GUCY1A2: variants seen among roughly 807,000 people sequenced by gnomAD.
GUCY1A2 encodes guanylate cyclase soluble subunit alpha-2.
A neutral mutation model predicts 63.5 loss-of-function variants in GUCY1A2; 27 were observed. That is an observed-to-expected ratio of 0.43 (90% confidence interval 0.31 to 0.59). The LOEUF is 0.59. GUCY1A2 is among the 20% of genes least tolerant of loss of function. The pLI, the probability that GUCY1A2 is intolerant of heterozygous loss-of-function variation, is 0.11. For missense variants in GUCY1A2, 768 were observed against 913.3 expected, an observed-to-expected ratio of 0.84 and a Z score of 2.05; for synonymous variants, 364 against 343.5, an observed-to-expected ratio of 1.06 and a Z score of -0.66.
chr11:106,926,274 A>G (rs1009945953), intron 4 of GUCY1A2, among the ~76,000 whole-genome samples: 56 of 151,968 alleles, frequency 3.7e-4, no homozygotes, highest in Middle Eastern at 6.8e-3. Context: ...ACTAATAACA[A>G]TAATAATACA....
chr11:106,824,751 T>C lies in GUCY1A2; in HGVS notation c.1207-14273A>G, dbSNP rs562137297. On this transcript the variant is annotated intron_variant, in intron 4 of 7. Coordinates refer to ENST00000526355, the MANE Select transcript of GUCY1A2 (RefSeq NM_000855.3). ...GAAATATTTAATCTCATGAGAAAAC[T>C]GAATAGCTGGATTTTTACCAAGGTG... 13 of 1,494,434 alleles carry C rather than the reference T, an allele frequency of 8.7e-6. No individual in the cohort carries two copies. The East Asian group carries it at 2.7e-4, about 31-fold the overall frequency. The allele number at this position is 1,494,434 out of a possible 1,614,324, so 92.6% of individuals were successfully genotyped here.
At chr11:106,731,555 GA>G (rs1043195334) in intron 6 of GUCY1A2, among the ~76,000 whole-genome samples, 1 of 151,426 alleles carries the variant, frequency 6.6e-6, no homozygotes, top group Non-Finnish European at 1.5e-5. Context: ...GCAAGAGAAA[GA>G]AAAAAAAGGC....
chr11:106,784,889 T>A (rs1565289064), intron 5 of GUCY1A2, among the ~76,000 whole-genome samples: 2 of 152,186 alleles, frequency 1.3e-5, no homozygotes, highest in East Asian at 3.9e-4. Context: ...AAAGAGTCAT[T>A]AAAGTAACCT....
At chr11:106,827,016 T>A (rs1210806109) in intron 4 of GUCY1A2, 2 of 1,598,962 alleles carry the variant, frequency 1.3e-6, no homozygotes, top group Non-Finnish European at 1.7e-6. Context: ...GCCACATCTC[T>A]GTATTAGTTG....
chr11:106,936,748 C>T (rs1194346157), intron 4 of GUCY1A2: 2 of 1,261,606 alleles, frequency 1.6e-6, no homozygotes, highest in Non-Finnish European at 2.2e-6. Context: ...CGTAGTGGTT[C>T]ATTGGTATTA....
At position 106,817,330 on chromosome 11, in the gene GUCY1A2, G is replaced by C. The variant is rs1257585850; in HGVS notation, c.1207-6852C>G. On this transcript the variant is annotated intron_variant, in intron 4 of 7. Coordinates refer to ENST00000526355, the MANE Select transcript of GUCY1A2 (RefSeq NM_000855.3). Reference sequence around the variant, plus strand: ...CTTTAAGCTTGGAGTATTTGCACTAGGACCTCCAGCAAAAATAGCTCCTAT... The same window carrying C: ...CTTTAAGCTTGGAGTATTTGCACTACGACCTCCAGCAAAAATAGCTCCTAT... Among the ~76,000 whole-genome samples, 5 of 152,068 alleles carry C rather than the reference G, an allele frequency of 3.3e-5. 1 individual carries two copies. Among genetic ancestry groups the C allele is most frequent in the Admixed American group, 3.3e-4 (5 of 15,240 alleles).
chr11:106,957,436 C>T (rs973736134), intron 3 of GUCY1A2, among the ~76,000 whole-genome samples: 6 of 152,136 alleles, frequency 3.9e-5, no homozygotes, highest in Non-Finnish European at 7.4e-5. Flanking sequence ...CGTGGGTTCA[C>T]GAGTGGGATC....
At chr11:106,762,554 C>G (rs1353392102) in intron 6 of GUCY1A2, among the ~76,000 whole-genome samples, 1 of 152,050 alleles carries the variant, frequency 6.6e-6, no homozygotes, top group Non-Finnish European at 1.5e-5. Context: ...TATAATAATA[C>G]TGAAGAATTA....
chr11:106,992,117 C>T (rs878974055), intron 1 of GUCY1A2, among the ~76,000 whole-genome samples: 2 of 152,022 alleles, frequency 1.3e-5, no homozygotes, highest in Admixed American at 1.3e-4. Context: ...TTACTGCACA[C>T]AATATTTAAT....
At chr11:106,956,814 G>A (rs1860991147) in intron 3 of GUCY1A2, among the ~76,000 whole-genome samples, 1 of 152,166 alleles carries the variant, frequency 6.6e-6, no homozygotes, top group South Asian at 2.1e-4. Context: ...CTTTGGTGGA[G>A]AGGGTATGTT....
chr11:106,770,767 A>T (rs543219486), intron 6 of GUCY1A2, among the ~76,000 whole-genome samples: 38 of 151,458 alleles, frequency 2.5e-4, no homozygotes, highest in Non-Finnish European at 4.1e-4. Context: ...GTTACAATAC[A>T]TGTAAATTGC....
chr11:106,691,456 A>G (rs1862623851), intron 7 of GUCY1A2, among the ~76,000 whole-genome samples: 1 of 152,190 alleles, frequency 6.6e-6, no homozygotes, highest in Admixed American at 6.5e-5. Context: ...TCTTCTCCCT[A>G]TCTTTTAAGT....
intron 4 of GUCY1A2, among the ~76,000 whole-genome samples, chr11:106,892,959 A>G (rs1365780231): frequency 2.0e-5 from 3 of 152,188 alleles, no homozygotes; most frequent in Admixed American, 2.0e-4. Context: ...AAATGTGTTT[A>G]GAGACTAGAA....
chr11:106,789,176 G>C (rs1161900179), intron 5 of GUCY1A2, among the ~76,000 whole-genome samples: 1 of 151,982 alleles, frequency 6.6e-6, no homozygotes, highest in East Asian at 1.9e-4. Context: ...TTCATTGCTA[G>C]GTATTTAATT....
At chr11:106,887,530 A>G (rs918934556) in intron 4 of GUCY1A2, among the ~76,000 whole-genome samples, 6 of 152,140 alleles carry the variant, frequency 3.9e-5, no homozygotes, top group African/African-American at 1.4e-4. Context: ...TTCGTTCTCC[A>G]CCAAAACTGC....
At chr11:106,772,558 G>T (rs888113151) in intron 6 of GUCY1A2, among the ~76,000 whole-genome samples, 1 of 152,034 alleles carries the variant, frequency 6.6e-6, no homozygotes, top group African/African-American at 2.4e-5. Context: ...TTCTCTTTCT[G>T]CATTCTTATT....
intron 5 of GUCY1A2, among the ~76,000 whole-genome samples, chr11:106,789,678 C>A (rs1178778331): frequency 6.6e-6 from 1 of 152,108 alleles, no homozygotes; most frequent in African/African-American, 2.4e-5. Flanking sequence ...GTGATCTAAG[C>A]CCTAGATCTA....
chr11:106,909,283 T>C (rs1860257831), intron 4 of GUCY1A2, among the ~76,000 whole-genome samples: 1 of 151,596 alleles, frequency 6.6e-6, no homozygotes, highest in Admixed American at 6.6e-5. Context: ...TTAAAAACTG[T>C]ACTACAACAT....
intron 5 of GUCY1A2, among the ~76,000 whole-genome samples, chr11:106,792,347 T>C (rs990414476): frequency 4.4e-5 from 6 of 136,718 alleles, no homozygotes; most frequent in African/African-American, 5.6e-5. Context: ...GATCACACCA[T>C]TGCACTCCAG....
Sources: gnomAD v4.1 joint callset for allele counts (sites outside exome capture counted in the v4.1 genomes callset) on GRCh38, gnomAD v4.1.1 for gene constraint, MANE v1.5 for transcripts, NCBI Gene and HGNC (gene_info 2026-07-23, HGNC 2026-07-21) for gene names.